The following RPL38 variants were observed in gnomAD, a reference collection of about 807,000 sequenced individuals.
RPL38 encodes large ribosomal subunit protein eL38.
In RPL38, 2 loss-of-function variants were observed where a neutral mutation model predicts 12.8. The observed-to-expected ratio is 0.16, with a 90% CI of 0.06 to 0.49. The LOEUF is 0.49. RPL38 is among the 20% of genes least tolerant of loss of function. The probability of loss-of-function intolerance (pLI) is 0.96; values close to 1 mark genes in which losing one functional copy is unlikely to be tolerated. For missense variants in RPL38, 52 were observed against 79.8 expected (o/e 0.65, Z 1.33); for synonymous variants, 42 against 30.1 (o/e 1.39, Z -1.29).
rs58720199 is a variant in RPL38, at chr17:74,209,978, CTT to C, written c.*167_*168del. 0.1 allele frequency: 35,838 copies of C among 351,618 alleles called. 257 individuals carry two copies. Among genetic ancestry groups the C allele is most frequent in the East Asian group, 0.21 (3,701 of 17,412 alleles). 21.8% of individuals were successfully genotyped at this position (351,618 alleles called of 1,614,324 possible). ...GGGTTCTGTTGCTGCCTTCCTGTGT[CTT>C]TTTTTTTTTTTTTTTTTCTTTCTTT... On this transcript the variant is annotated 3_prime_UTR_variant, in exon 5 of 5. Transcript: ENST00000311111.
Position 74,209,217 on chromosome 17 carries a change from T to C in RPL38, c.95T>C (p.Val32Ala), listed in dbSNP as rs1357345239. 1 of 1,613,984 alleles carries C rather than the reference T, an allele frequency of 6.2e-7. No individual in the cohort carries two copies. Among genetic ancestry groups the C allele is most frequent in the African/African-American group, 1.3e-5 (1 of 75,028 alleles). ...AAGATCAAGAAAAATAAGGACAACGTGAAGTTTAAAGTTCGATGCAGCAGA... is the reference window on the plus strand; with the variant it reads ...AAGATCAAGAAAAATAAGGACAACGCGAAGTTTAAAGTTCGATGCAGCAGA... ...SVKIKKNKDNVKFKVRCSRYL... is the reference protein window; with the variant it reads ...SVKIKKNKDNAKFKVRCSRYL... The change falls in exon 4 of 5, where the codon GTG becomes GCG. Residue 32 changes from valine to alanine, a missense_variant. Coordinates refer to ENST00000311111, the MANE Select transcript of RPL38 (RefSeq NM_000999.4).
intron 3 of RPL38, among the ~76,000 whole-genome samples, chr17:74,207,058 C>T (rs1486778031): frequency 6.6e-6 from 1 of 151,974 alleles, no homozygotes; most frequent in Non-Finnish European, 1.5e-5. Flanking sequence ...CCTGCCCAGG[C>T]TGGAGTGCAG....
At position 74,210,069 on chromosome 17, in the gene RPL38, C is replaced by G. The variant is rs1157166660; in HGVS notation, c.*240C>G. ...GTGGTGCGATATCAGCTCACTACCA[C>G]CTCCGCCTCCTGGGTTCAAGCGACT... On this transcript the variant is annotated 3_prime_UTR_variant, in exon 5 of 5. Coordinates refer to ENST00000311111, the MANE Select transcript of RPL38 (RefSeq NM_000999.4). 5 of 423,032 alleles carry G rather than the reference C, an allele frequency of 1.2e-5. No individual in the cohort carries two copies. The highest frequency in any genetic ancestry group is 2.1e-5 in the Non-Finnish European group (5 of 237,654). The allele number at this position is 423,032 out of a possible 1,614,324, so 26.2% of individuals were successfully genotyped here.
chr17:74,207,045 A>T (rs2050121726), intron 3 of RPL38, among the ~76,000 whole-genome samples: 1 of 145,878 alleles, frequency 6.9e-6, no homozygotes, highest in South Asian at 2.2e-4. Context: ...ACAGGGTCTC[A>T]CTCCTGCCCA....
chr17:74,208,829 A>G (rs551424119), intron 3 of RPL38, among the ~76,000 whole-genome samples: 1 of 152,230 alleles, frequency 6.6e-6, no homozygotes, highest in East Asian at 1.9e-4. Flanking sequence ...CAGCTACTCC[A>G]GGAGGCTTAG....
intron 2 of RPL38, 23 bp downstream of exon 2, chr17:74,203,981 G>A (rs1262420912): frequency 1.9e-6 from 3 of 1,612,912 alleles, no homozygotes; most frequent in Non-Finnish European, 2.5e-6. Flanking sequence ...CCTGCCTGGC[G>A]CCTTCCCGGG....
intron 2 of RPL38, 55 bp downstream of exon 2, chr17:74,204,013 G>T: frequency 6.2e-7 from 1 of 1,612,966 alleles, no homozygotes; most frequent in South Asian, 1.1e-5. Flanking sequence ...GGGCCCCGGG[G>T]CGAGGGCGAG....
chr17:74,208,057 C>T (rs778041391), intron 3 of RPL38, among the ~76,000 whole-genome samples: 4 of 152,178 alleles, frequency 2.6e-5, no homozygotes, highest in Non-Finnish European at 4.4e-5. Context: ...AGGACAAGAT[C>T]ATCTTGTGTG....
Position 74,204,543 on chromosome 17 carries a change from A to G in RPL38, c.64+353A>G, listed in dbSNP as rs144427263. 4 of 316,346 alleles carry G rather than the reference A, an allele frequency of 1.3e-5. No individual in the cohort carries two copies. The East Asian group carries it at 2.2e-4, about 17-fold the overall frequency. 19.6% of individuals were successfully genotyped at this position (316,346 alleles called of 1,614,324 possible). ...TTTAGGTTCTCTGCAGTTGTGCAAA[A>G]TCTTAACACAAAATCCATTTTGTAA... On this transcript the variant is annotated intron_variant, in intron 3 of 4. Transcript: ENST00000311111.
chr17:74,203,791 G>T, intron 1 of RPL38, 46 bp downstream of exon 1: 1 of 850,232 alleles, frequency 1.2e-6, no homozygotes, highest in Non-Finnish European at 1.8e-6. Context: ...GGGACCCCAG[G>T]TCCGCGTGGA....
At chr17:74,204,353 G>A (rs1487053960) in intron 3 of RPL38, 163 bp downstream of exon 3, 1 of 636,010 alleles carries the variant, frequency 1.6e-6, no homozygotes. Context: ...AGAAAGACCT[G>A]TGGGGGGCAC....
intron 3 of RPL38, among the ~76,000 whole-genome samples, chr17:74,208,557 G>A (rs557992199): frequency 1.8e-4 from 28 of 152,342 alleles, no homozygotes; most frequent in African/African-American, 6.7e-4. Context: ...GCGGAGGCCT[G>A]ATTTCCGGGA....
chr17:74,208,779 C>T (rs911201436), intron 3 of RPL38, among the ~76,000 whole-genome samples: 5 of 151,964 alleles, frequency 3.3e-5, no homozygotes, highest in African/African-American at 1.2e-4. Flanking sequence ...ACTAAAAATA[C>T]AAAAAATTAG....
Position 74,203,738 on chromosome 17 carries a change from T to G in RPL38, c.-46T>G. On this transcript the variant is annotated 5_prime_UTR_variant, in exon 1 of 5. Coordinates refer to ENST00000311111, the MANE Select transcript of RPL38 (RefSeq NM_000999.4). ...GAGTGTCTCTAGGGTGATACGTGGG[T>G]GAGAAAGGTAATCTGGGGCAATCCA... is the stretch of plus-strand genomic sequence containing the variant. 1.7e-6 allele frequency: 1 copy of G among 605,282 alleles called. No individual in the cohort carries two copies. The allele number at this position is 605,282 out of a possible 1,614,324, so 37.5% of individuals were successfully genotyped here.
At chr17:74,205,189 C>T (rs1390982390) in intron 3 of RPL38, 1 of 152,258 alleles carries the variant, frequency 6.6e-6, no homozygotes, top group East Asian at 1.9e-4. Context: ...TAAATTTTTA[C>T]ACCAAGTGTG....
At chr17:74,207,665 C>A (rs1268831633) in intron 3 of RPL38, among the ~76,000 whole-genome samples, 1 of 151,880 alleles carries the variant, frequency 6.6e-6, no homozygotes, top group Non-Finnish European at 1.5e-5. Flanking sequence ...TTACAGGCGC[C>A]TGGCTAATTT....
At chr17:74,207,099 T>C (rs2050122163) in intron 3 of RPL38, among the ~76,000 whole-genome samples, 2 of 151,614 alleles carry the variant, frequency 1.3e-5, no homozygotes, top group African/African-American at 4.8e-5. Flanking sequence ...ACATCCTTGA[T>C]CTCCTGGGCG....
At chr17:74,207,325 G>A (rs1416269607) in intron 3 of RPL38, among the ~76,000 whole-genome samples, 3 of 151,990 alleles carry the variant, frequency 2.0e-5, no homozygotes, top group Non-Finnish European at 2.9e-5. Context: ...TTTGAAGGCC[G>A]AGTTTTCCAT....
chr17:74,203,684 C>T lies in RPL38; in HGVS notation c.-100C>T, dbSNP rs1237111376. On this transcript the variant is annotated 5_prime_UTR_variant, in exon 1 of 5. Transcript: ENST00000311111. ...CGGAAACGGAAGTCTCGTTCTTTTT[C>T]GTCCTTTTCCCCGGTTGCTGCTTGC... The T allele has an allele frequency of 2.0e-6, 1 of 507,882 alleles. No individual in the cohort carries two copies. Among genetic ancestry groups the T allele is most frequent in the Admixed American group, 3.6e-5 (1 of 28,162 alleles). The allele number at this position is 507,882 out of a possible 1,614,324, so 31.5% of individuals were successfully genotyped here. A position where few individuals can be genotyped will look rare whatever the true frequency, so the allele number is the denominator to read the frequency against.
Sources: allele counts gnomAD v4.1 joint callset (sites outside exome capture counted in the v4.1 genomes callset), GRCh38; gene constraint gnomAD v4.1.1; transcripts MANE v1.5; gene names NCBI Gene and HGNC (gene_info 2026-07-23, HGNC 2026-07-21).